The following ANKRD45 variants were observed in gnomAD, a reference collection of about 807,000 sequenced individuals.
The protein encoded by ANKRD45 is ankyrin repeat domain-containing protein 45.
In ANKRD45, 21 loss-of-function variants were observed where a neutral mutation model predicts 28.1. The observed-to-expected ratio is 0.75, with a 90% CI of 0.53 to 1.08. The LOEUF is 1.08. Among genes scored for constraint, ANKRD45 ranks in the 50% least tolerant of loss-of-function variants. ANKRD45 has a pLI of 0.00. For missense variants in ANKRD45, 261 were observed against 308.7 expected, an observed-to-expected ratio of 0.85 and a Z score of 1.16; for synonymous variants, 86 against 103.9, an observed-to-expected ratio of 0.83 and a Z score of 1.05.
intron 3 of ANKRD45, among the ~76,000 whole-genome samples, chr1:173,640,305 A>C (rs1668644370): frequency 6.6e-6 from 1 of 151,974 alleles, no homozygotes; most frequent in Admixed American, 6.6e-5. Context: ...GCACACCAGC[A>C]CCAACCCAGG....
At chr1:173,712,694 G>T in the ANKRD45 span, among the ~76,000 whole-genome samples, 1 of 152,146 alleles carries the variant, frequency 6.6e-6, no homozygotes, top group African/African-American at 2.4e-5. Flanking sequence ...AGCACTGTTT[G>T]TAATGGAGAA....
At chr1:173,698,107 G>A in the ANKRD45 span, among the ~76,000 whole-genome samples, 17 of 152,226 alleles carry the variant, frequency 1.1e-4, no homozygotes, top group Non-Finnish European at 2.5e-4. Flanking sequence ...TCAACAAGAA[G>A]AGCTAACTAT....
the ANKRD45 span, among the ~76,000 whole-genome samples, chr1:173,694,426 A>T: frequency 2.6e-5 from 4 of 152,126 alleles, no homozygotes; most frequent in East Asian, 7.7e-4. Flanking sequence ...AGTCTCCCAA[A>T]GTGCTGGGAT....
chr1:173,614,909 C>T (rs868430363), intron 5 of ANKRD45, among the ~76,000 whole-genome samples: 2 of 152,188 alleles, frequency 1.3e-5, no homozygotes, highest in East Asian at 3.9e-4. Flanking sequence ...CTCCACCTCC[C>T]GGATTCGGGT....
At chr1:173,704,531 T>C in the ANKRD45 span, among the ~76,000 whole-genome samples, 1 of 152,242 alleles carries the variant, frequency 6.6e-6, no homozygotes. Context: ...CCACTCATAT[T>C]TCCCCCATAC....
At chr1:173,646,753 A>G in intron 3 of ANKRD45, 93 bp downstream of exon 3, 1 of 1,315,428 alleles carries the variant, frequency 7.6e-7, no homozygotes, top group Non-Finnish European at 1.1e-6. Context: ...TCTACAAACA[A>G]AACACTGTGA....
chr1:173,623,612 TATACCC>T (rs1446858568), intron 5 of ANKRD45, among the ~76,000 whole-genome samples: 1 of 152,178 alleles, frequency 6.6e-6, no homozygotes, highest in Non-Finnish European at 1.5e-5. Flanking sequence ...TTACTGGGTA[TATACCC>T]AAGGGAATAT....
intron 3 of ANKRD45, among the ~76,000 whole-genome samples, chr1:173,636,006 A>G (rs553267130): frequency 2.0e-5 from 3 of 152,202 alleles, no homozygotes; most frequent in Non-Finnish European, 4.4e-5. Flanking sequence ...TCTTGCTCAT[A>G]CTAGGTGTTC....
chr1:173,616,748 C>T (rs187065091), intron 5 of ANKRD45, among the ~76,000 whole-genome samples: 20 of 151,922 alleles, frequency 1.3e-4, no homozygotes, highest in Non-Finnish European at 2.8e-4. Context: ...CTGAGATGGC[C>T]GATTAGAAAA....
At chr1:173,676,088 G>A in the ANKRD45 span, among the ~76,000 whole-genome samples, 4 of 152,010 alleles carry the variant, frequency 2.6e-5, no homozygotes, top group Admixed American at 1.3e-4. Flanking sequence ...AAAAAGGTAC[G>A]AGGCCAATTT....
rs568599996 is a variant in ANKRD45, at chr1:173,654,855, A to G, written c.328+4236T>C. Reference sequence around the variant, plus strand: ...CTTTATTTCATTAATTTGATCTTCAATCGCTGATAACCTTTCTTCCACTTG... The same window carrying G: ...CTTTATTTCATTAATTTGATCTTCAGTCGCTGATAACCTTTCTTCCACTTG... On this transcript the variant is annotated intron_variant, in intron 2 of 5. Coordinates refer to ENST00000333279, the MANE Select transcript of ANKRD45 (RefSeq NM_198493.3). Among the ~76,000 whole-genome samples, 7 of 152,232 alleles carry G rather than the reference A, an allele frequency of 4.6e-5. No individual in the cohort carries two copies. In the East Asian group the frequency reaches 1.3e-3, roughly 29 times the overall value.
chr1:173,699,216 G>C, the ANKRD45 span, among the ~76,000 whole-genome samples: 1 of 152,140 alleles, frequency 6.6e-6, no homozygotes, highest in Non-Finnish European at 1.5e-5. Flanking sequence ...GGACCACATG[G>C]ATTCACAGCT....
At chr1:173,709,622 A>G in the ANKRD45 span, among the ~76,000 whole-genome samples, 1 of 151,480 alleles carries the variant, frequency 6.6e-6, no homozygotes, top group Non-Finnish European at 1.5e-5. Context: ...TGGGCACCCT[A>G]CTAGATGTTT....
In ANKRD45 at chr1:173,645,950, G is replaced by A. The variant is rs2102358766; in HGVS notation, c.496+896C>T. 2.0e-5 allele frequency among the ~76,000 whole-genome samples: 3 copies of A among 152,246 alleles called. 1 individual carries two copies. Among genetic ancestry groups the A allele is most frequent in the Non-Finnish European group, 4.4e-5 (3 of 68,030 alleles). ...ATATTTTTATATAATTGTTGAATGT[G>A]TCCATAACTTATAATCTCCCACCTA... On this transcript the variant is annotated intron_variant, in intron 3 of 5. Coordinates refer to ENST00000333279, the MANE Select transcript of ANKRD45 (RefSeq NM_198493.3).
At chr1:173,613,981 G>A (rs1230609934) in intron 5 of ANKRD45, among the ~76,000 whole-genome samples, 1 of 152,154 alleles carries the variant, frequency 6.6e-6, no homozygotes, top group East Asian at 1.9e-4. Flanking sequence ...CCAACCCTGT[G>A]CTCTCTGAAA....
intron 5 of ANKRD45, among the ~76,000 whole-genome samples, chr1:173,613,558 G>C (rs9662057): frequency 0.017 from 2,047 of 123,144 alleles, 143 homozygotes; most frequent in African/African-American, 0.1. Flanking sequence ...GAGGTGGGGG[G>C]TCAGCCCCCC....
At position 173,663,044 on chromosome 1, in the gene ANKRD45, C is replaced by T. The variant is rs1669852390; in HGVS notation, c.-15-3611G>A. The stretch of plus-strand genomic sequence containing the variant: ...TCTTCAGTGTCTGACATCCAACTCC[C>T]CACCCTTCCAACACACACACACACA... On this transcript the variant is annotated intron_variant, in intron 1 of 5. Coordinates refer to ENST00000333279, the MANE Select transcript of ANKRD45 (RefSeq NM_198493.3). Among the ~76,000 whole-genome samples, 5 of 142,860 alleles carry T rather than the reference C, an allele frequency of 3.5e-5. No homozygotes were observed. In the South Asian group the frequency reaches 1.1e-3, roughly 31 times the overall value. The allele number at this position is 142,860 out of a possible 152,430, so 93.7% of individuals were successfully genotyped here.
Position 173,650,538 on chromosome 1 carries a change from T to C in ANKRD45, c.329-3525A>G, listed in dbSNP as rs555613288. On this transcript the variant is annotated intron_variant, in intron 2 of 5. Coordinates refer to ENST00000333279, the MANE Select transcript of ANKRD45 (RefSeq NM_198493.3). ...TGGGTTGGTTCCAAGTCTTTGCTATTGTGAATAGTGCCGCAATAAACATAC... is the reference window on the plus strand; with the variant it reads ...TGGGTTGGTTCCAAGTCTTTGCTATCGTGAATAGTGCCGCAATAAACATAC... Among the ~76,000 whole-genome samples, 530 of 152,344 alleles carry C rather than the reference T, an allele frequency of 3.5e-3. 2 individuals carry two copies. Among genetic ancestry groups the C allele is most frequent in the African/African-American group, 0.012 (503 of 41,572 alleles).
the ANKRD45 span, among the ~76,000 whole-genome samples, chr1:173,691,443 T>C: frequency 1.3e-5 from 2 of 152,074 alleles, no homozygotes; most frequent in African/African-American, 4.8e-5. Flanking sequence ...GCAAAAGAAA[T>C]AGCACTCAAA....
Sources: allele counts gnomAD v4.1 joint callset (sites outside exome capture counted in the v4.1 genomes callset), GRCh38; gene constraint gnomAD v4.1.1; transcripts MANE v1.5; gene names NCBI Gene and HGNC (gene_info 2026-07-23, HGNC 2026-07-21).